FHIT: variants seen among roughly 807,000 people sequenced by gnomAD.
FHIT encodes bis(5'-adenosyl)-triphosphatase.
A neutral mutation model predicts 17.9 loss-of-function variants in FHIT; 19 were observed. The observed-to-expected ratio is 1.06, with a 90% CI of 0.74 to 1.56. The LOEUF (loss-of-function observed/expected upper bound fraction) is 1.56. FHIT is among the 40% of genes most tolerant of loss of function. The pLI is 0.00. For missense variants in FHIT, 248 were observed against 189.2 expected, an observed-to-expected ratio of 1.31 and a Z score of -1.82; for synonymous variants, 81 against 69.7, an observed-to-expected ratio of 1.16 and a Z score of -0.81.
At chr3:61,017,008 TG>T (rs10707795) in intron 3 of FHIT, among the ~76,000 whole-genome samples, 37,767 of 151,748 alleles carry the variant, frequency 0.25, 5,305 homozygotes, top group African/African-American at 0.38. Flanking sequence ...ATACAGAGGC[TG>T]GGCCTGGTGG....
chr3:60,516,442 A>T (rs1334244413), intron 5 of FHIT, among the ~76,000 whole-genome samples: 1 of 152,128 alleles, frequency 6.6e-6, no homozygotes, highest in Non-Finnish European at 1.5e-5. Flanking sequence ...TATAGTTGGA[A>T]AAGGAACTAC....
At chr3:60,142,678 G>A (rs891659818) in intron 5 of FHIT, among the ~76,000 whole-genome samples, 15 of 146,108 alleles carry the variant, frequency 1.0e-4, no homozygotes, top group Non-Finnish European at 1.4e-4. Context: ...ACATTTTTGC[G>A]TTTCTTTTTT....
chr3:60,277,920 A>T (rs568687243), intron 5 of FHIT, among the ~76,000 whole-genome samples: 1 of 152,316 alleles, frequency 6.6e-6, no homozygotes, highest in Admixed American at 6.5e-5. Context: ...ATTTACGACA[A>T]GGAAAAAAGA....
chr3:61,167,628 C>CAAAAAAA (rs34229498), intron 2 of FHIT, among the ~76,000 whole-genome samples: 1 of 98,964 alleles, frequency 1.0e-5, no homozygotes, highest in Non-Finnish European at 2.1e-5. Context: ...AACTGTGTCT[C>CAAAAAAA]AAAAAAAAAA....
intron 2 of FHIT, among the ~76,000 whole-genome samples, chr3:61,153,977 C>A (rs2037464786): frequency 6.6e-6 from 1 of 152,168 alleles, no homozygotes; most frequent in African/African-American, 2.4e-5. Flanking sequence ...ATGTATATCT[C>A]CTCACATCAA....
chr3:61,206,354 G>T (rs2039230054), intron 1 of FHIT, among the ~76,000 whole-genome samples: 1 of 140,582 alleles, frequency 7.1e-6, no homozygotes. Context: ...ATTCTGTGAA[G>T]AAAGTCATTG....
intron 2 of FHIT, among the ~76,000 whole-genome samples, chr3:61,123,375 T>C (rs2036515771): frequency 1.3e-5 from 2 of 152,096 alleles, no homozygotes; most frequent in African/African-American, 2.4e-5. Flanking sequence ...AGGGTAAGGA[T>C]AGCATTAGGA....
chr3:59,752,058 A>G, intron 9 of FHIT, 163 bp downstream of exon 9: 1 of 523,872 alleles, frequency 1.9e-6, no homozygotes, highest in Non-Finnish European at 3.4e-6. Flanking sequence ...CTGGGAATAC[A>G]GTACTCAAGG....
chr3:60,886,690 C>T (rs551336926), intron 3 of FHIT, among the ~76,000 whole-genome samples: 6 of 152,250 alleles, frequency 3.9e-5, no homozygotes, highest in Admixed American at 1.3e-4. Context: ...TCATGAAAAA[C>T]GGTATGATGG....
At chr3:60,778,167 G>A (rs1700269038) in intron 4 of FHIT, among the ~76,000 whole-genome samples, 2 of 152,152 alleles carry the variant, frequency 1.3e-5, no homozygotes, top group Non-Finnish European at 2.9e-5. Flanking sequence ...AAATTCTAAT[G>A]TCTGAGTATA....
chr3:61,031,994 C>G (rs1438568963), intron 3 of FHIT, among the ~76,000 whole-genome samples: 1 of 152,172 alleles, frequency 6.6e-6, no homozygotes, highest in Non-Finnish European at 1.5e-5. Context: ...AGTGAATCAA[C>G]TGGCATCATT....
intron 4 of FHIT, among the ~76,000 whole-genome samples, chr3:60,781,520 G>C (rs1553725697): frequency 6.6e-6 from 1 of 152,100 alleles, no homozygotes; most frequent in Admixed American, 6.5e-5. Flanking sequence ...TGAATCACTG[G>C]AAATGGTCCC....
chr3:60,527,250 T>C lies in FHIT; in HGVS notation c.103+9610A>G, dbSNP rs576309079. ...AAAATACTAACTGGTATTCTAGGCC[T>C]CTGCATGTGAAACACTCTAGATTTT... is the stretch of plus-strand genomic sequence containing the variant. On this transcript the variant is annotated intron_variant, in intron 5 of 9. Transcript: ENST00000492590. Among the ~76,000 whole-genome samples, 6 of 152,312 alleles carry C rather than the reference T, an allele frequency of 3.9e-5. No individual in the cohort carries two copies. The East Asian group carries it at 1.2e-3, about 29-fold the overall frequency.
chr3:60,462,074 G>A (rs1444192780), intron 5 of FHIT, among the ~76,000 whole-genome samples: 1 of 152,288 alleles, frequency 6.6e-6, no homozygotes. Context: ...GCCCCACAGT[G>A]AGTGAGGCAT....
intron 5 of FHIT, among the ~76,000 whole-genome samples, chr3:60,081,888 C>CAAT (rs778275929): frequency 4.7e-5 from 7 of 148,238 alleles, no homozygotes; most frequent in African/African-American, 7.6e-5. Flanking sequence ...AGAGGAAGTA[C>CAAT]AATAACCACA....
chr3:60,632,202 T>C (rs2107774867), intron 4 of FHIT, among the ~76,000 whole-genome samples: 1 of 152,282 alleles, frequency 6.6e-6, no homozygotes, highest in Non-Finnish European at 1.5e-5. Context: ...AATGATTGGT[T>C]CCTCTAAGAG....
At chr3:59,757,005 C>T (rs952637506) in intron 8 of FHIT, among the ~76,000 whole-genome samples, 1 of 152,168 alleles carries the variant, frequency 6.6e-6, no homozygotes, top group Non-Finnish European at 1.5e-5. Context: ...TTCCAACTGA[C>T]TGTGTCTGGG....
chr3:60,513,171 A>G (rs1323919556), intron 5 of FHIT, among the ~76,000 whole-genome samples: 1 of 152,222 alleles, frequency 6.6e-6, no homozygotes, highest in Non-Finnish European at 1.5e-5. Flanking sequence ...GCACAAAGGA[A>G]GTGTCTACAG....
chr3:60,086,357 T>C (rs1313678912), intron 5 of FHIT, among the ~76,000 whole-genome samples: 4 of 152,144 alleles, frequency 2.6e-5, no homozygotes, highest in Non-Finnish European at 4.4e-5. Context: ...ATCCAAACCA[T>C]AGCATTCCAC....
Sources: gnomAD v4.1 joint callset for allele counts (sites outside exome capture counted in the v4.1 genomes callset) on GRCh38, gnomAD v4.1.1 for gene constraint, MANE v1.5 for transcripts, NCBI Gene and HGNC (gene_info 2026-07-23, HGNC 2026-07-21) for gene names.